RAI14: variants seen among roughly 807,000 people sequenced by gnomAD.
The protein encoded by RAI14 is retinoic acid induced 14.
In RAI14, 45 loss-of-function variants were observed where a neutral mutation model predicts 115.4. That is an observed-to-expected ratio of 0.39 (90% CI 0.31 to 0.50). RAI14 has a LOEUF of 0.50. Among genes scored for constraint, RAI14 ranks in the 20% least tolerant of loss-of-function variants. The pLI is 0.85. For synonymous variants in RAI14, 371 were observed against 415.4 expected, an observed-to-expected ratio of 0.89 and a Z score of 1.30; for missense variants, 939 against 1,131.2, an observed-to-expected ratio of 0.83 and a Z score of 2.44.
intron 2 of RAI14, among the ~76,000 whole-genome samples, chr5:34,755,534 A>G (rs1022923312): frequency 6.6e-6 from 1 of 152,140 alleles, no homozygotes; most frequent in Non-Finnish European, 1.5e-5. Flanking sequence ...TTTGGGCCAG[A>G]TTATTCTTGG....
At chr5:34,815,398 GA>G (rs1756111593) in intron 12 of RAI14, among the ~76,000 whole-genome samples, 1 of 151,284 alleles carries the variant, frequency 6.6e-6, no homozygotes, top group Non-Finnish European at 1.5e-5. Context: ...AAAAAGAAAA[GA>G]AAAAAATACA....
At chr5:34,734,001 C>A (rs78540832) in intron 2 of RAI14, among the ~76,000 whole-genome samples, 1 of 152,144 alleles carries the variant, frequency 6.6e-6, no homozygotes, top group Non-Finnish European at 1.5e-5. Context: ...TCATCCCTGC[C>A]GCTCCCAGCT....
chr5:34,822,869 A>C, intron 14 of RAI14, 87 bp from the exon 15 acceptor site: 1 of 1,168,784 alleles, frequency 8.6e-7, no homozygotes, highest in African/African-American at 1.6e-5. Flanking sequence ...ATTTTTTTTT[A>C]GTAGAGACGG....
intron 2 of RAI14, among the ~76,000 whole-genome samples, chr5:34,747,691 G>C (rs1746468490): frequency 6.6e-6 from 1 of 152,168 alleles, no homozygotes; most frequent in South Asian, 2.1e-4. Context: ...CTTGTGACAT[G>C]GTGGGTCTTT....
intron 3 of RAI14, among the ~76,000 whole-genome samples, chr5:34,781,515 GA>G (rs1751639082): frequency 6.6e-6 from 1 of 152,160 alleles, no homozygotes; most frequent in Admixed American, 6.5e-5. Flanking sequence ...GGCTCACTGA[GA>G]AAGATCTAAA....
intron 2 of RAI14, among the ~76,000 whole-genome samples, chr5:34,732,311 T>C (rs1580065698): frequency 6.6e-6 from 1 of 152,144 alleles, no homozygotes; most frequent in Non-Finnish European, 1.5e-5. Context: ...CTCGACAGTA[T>C]ATATAGAAAG....
rs756045795 is a variant in RAI14, at chr5:34,823,459, G to T, written c.1617G>T (p.Leu539=). Residue 539 remains leucine (L), a synonymous_variant, in exon 15 of 18, where the codon CTG becomes CTT. Transcript: ENST00000265109. This position sits in a 1 kb window ranked among gnomAD's most constrained non-coding sequence, Gnocchi z 4.5. ...AAATAAATGTGCTAAAGCAGGATCTGCAGAATGCATTAGAAGAAAGTGAAA... is the reference window on the plus strand; with the variant it reads ...AAATAAATGTGCTAAAGCAGGATCTTCAGAATGCATTAGAAGAAAGTGAAA... The part of the protein sequence containing the change: ...EEEINVLKQD[L]QNALEESERN... The T allele has an allele frequency of 6.2e-7, 1 of 1,614,164 alleles. No homozygotes were observed. Among genetic ancestry groups the T allele is most frequent in the East Asian group, 2.2e-5 (1 of 44,890 alleles).
At chr5:34,705,111 T>C (rs1740548266) in intron 2 of RAI14, among the ~76,000 whole-genome samples, 1 of 152,202 alleles carries the variant, frequency 6.6e-6, no homozygotes, top group African/African-American at 2.4e-5. Context: ...TTTATTTTCA[T>C]AAATTTAAAT....
chr5:34,764,542 TCTC>T (rs1749101636), intron 3 of RAI14, among the ~76,000 whole-genome samples: 2 of 64,688 alleles, frequency 3.1e-5, no homozygotes, highest in South Asian at 3.6e-4. Context: ...GAATTTTCTC[TCTC>T]TCTCTCTCTC....
intron 4 of RAI14, among the ~76,000 whole-genome samples, chr5:34,799,685 A>ATTTTTTTTTTTTTTTTTTTTTTT (rs57115550): frequency 7.7e-5 from 8 of 103,398 alleles, no homozygotes; most frequent in African/African-American, 2.8e-4. Flanking sequence ...ATCTGTTAGC[A>ATTTTTTTTTTTTTTTTTTTTTTT]TTTTTTTTTT....
At chr5:34,680,224 T>C (rs1744289661) in intron 1 of RAI14, among the ~76,000 whole-genome samples, 2 of 152,186 alleles carry the variant, frequency 1.3e-5, no homozygotes, top group Admixed American at 6.5e-5. Context: ...CCTACTGTCT[T>C]AGTCCATTTT....
intron 1 of RAI14, among the ~76,000 whole-genome samples, chr5:34,664,414 CAAA>C (rs11311801): frequency 1.2e-4 from 13 of 108,404 alleles, no homozygotes; most frequent in Non-Finnish European, 1.8e-4. Flanking sequence ...GACACTGTCT[CAAA>C]AAAAAAAAAA....
At position 34,687,095 on chromosome 5, in the gene RAI14, C is replaced by T. The variant is rs752164208; in HGVS notation, c.36+140C>T. The T allele has an allele frequency of 1.3e-5, 10 of 752,018 alleles. No individual in the cohort carries two copies. In the Admixed American group the frequency reaches 1.9e-4, roughly 14 times the overall value. The allele number at this position is 752,018 out of a possible 1,614,324, so 46.6% of individuals were successfully genotyped here. A position where few individuals can be genotyped will look rare whatever the true frequency, so the allele number is the denominator to read the frequency against. ...TGCTCTTGGCCCCAGCTCAGGGTAGCTTCTGTAGATGGCATGCTCTAGGTT... is the reference window on the plus strand; with the variant it reads ...TGCTCTTGGCCCCAGCTCAGGGTAGTTTCTGTAGATGGCATGCTCTAGGTT... On this transcript the variant is annotated intron_variant, in intron 2 of 17. Coordinates refer to ENST00000265109, the MANE Select transcript of RAI14 (RefSeq NM_015577.3).
intron 1 of RAI14, chr5:34,667,420 G>T (rs1160848229): frequency 6.6e-6 from 1 of 152,034 alleles, no homozygotes; most frequent in Non-Finnish European, 1.5e-5. Context: ...TATTTTTGTA[G>T]AGACAGGGTT....
At chr5:34,829,188 C>CACAT (rs1554014459) in intron 16 of RAI14, among the ~76,000 whole-genome samples, 68 of 150,602 alleles carry the variant, frequency 4.5e-4, no homozygotes, top group Non-Finnish European at 7.8e-4. Flanking sequence ...TACACACACA[C>CACAT]ATATATATAT....
At chr5:34,752,751 A>G (rs56358711) in intron 2 of RAI14, among the ~76,000 whole-genome samples, 8,547 of 104,942 alleles carry the variant, frequency 0.081, 415 homozygotes, top group Middle Eastern at 0.12. Flanking sequence ...GTGTGTGTGT[A>G]TATATATATA....
At chr5:34,738,838 A>G (rs2150041564) in intron 2 of RAI14, among the ~76,000 whole-genome samples, 1 of 152,318 alleles carries the variant, frequency 6.6e-6, no homozygotes, top group South Asian at 2.1e-4. Context: ...CCTTAATTGT[A>G]TATTCTGCAG....
intron 2 of RAI14, among the ~76,000 whole-genome samples, chr5:34,704,245 C>T (rs1213713987): frequency 1.3e-5 from 2 of 152,220 alleles, no homozygotes; most frequent in Non-Finnish European, 2.9e-5. Flanking sequence ...AATGTTAACT[C>T]ACCATGGCAA....
At chr5:34,657,179 G>C (rs1376613011) in intron 1 of RAI14, 1 of 149,558 alleles carries the variant, frequency 6.7e-6, no homozygotes, top group African/African-American at 2.5e-5. Context: ...GACTTCGGGA[G>C]TAAGGAGGAC....
Sources: allele counts gnomAD v4.1 joint callset (sites outside exome capture counted in the v4.1 genomes callset), GRCh38; gene constraint gnomAD v4.1.1; non-coding constraint Gnocchi (gnomAD v3.1); transcripts MANE v1.5; gene names NCBI Gene and HGNC (gene_info 2026-07-23, HGNC 2026-07-21).